RO60: variants seen among roughly 807,000 people sequenced by gnomAD.
The protein encoded by RO60 is RNA-binding protein RO60.
A neutral mutation model predicts 55.3 loss-of-function variants in RO60; 20 were observed. The observed-to-expected ratio is 0.36, with a 90% CI of 0.25 to 0.53. RO60 has a LOEUF of 0.53. RO60 is among the 20% of genes least tolerant of loss of function. The pLI is 0.92. For synonymous variants in RO60, 213 were observed against 213.6 expected, an observed-to-expected ratio of 1.00 and a Z score of 0.02; for missense variants, 558 against 646.6, an observed-to-expected ratio of 0.86 and a Z score of 1.49.
downstream of RO60, chr1:193,091,753 C>CATCTAT: frequency 7.6e-7 from 1 of 1,316,582 alleles, no homozygotes; most frequent in African/African-American, 1.5e-5. Flanking sequence ...GATAGATGTA[C>CATCTAT]CAAATAAACT....
chr1:193,059,799 G>A lies in RO60; in HGVS notation c.-22+23G>A. On this transcript the variant is annotated intron_variant, in intron 1 of 8. Transcript: ENST00000400968. This position sits in a 1 kb window ranked among gnomAD's most constrained non-coding sequence, Gnocchi z 4.9. ...CAGGTGAGGACATTGCGGGAGGCCGGCTGGGAGCCTTTTGTGCGGCCCCAG... is the reference window on the plus strand; with the variant it reads ...CAGGTGAGGACATTGCGGGAGGCCGACTGGGAGCCTTTTGTGCGGCCCCAG... 1 of 1,356,344 alleles carries A rather than the reference G, an allele frequency of 7.4e-7. No individual in the cohort carries two copies. The highest frequency in any genetic ancestry group is 9.8e-7 in the Non-Finnish European group (1 of 1,017,190). 84.0% of individuals were successfully genotyped at this position (1,356,344 alleles called of 1,614,324 possible). A position where few individuals can be genotyped will look rare whatever the true frequency, so the allele number is the denominator to read the frequency against.
chr1:193,080,785 C>A (rs1043811165), intron 5 of RO60, among the ~76,000 whole-genome samples: 2 of 151,990 alleles, frequency 1.3e-5, no homozygotes, highest in Admixed American at 6.6e-5. Flanking sequence ...TTGTATGATT[C>A]CATTATATGA....
chr1:193,090,170 G>A lies in RO60; in HGVS notation c.*5439G>A, dbSNP rs1400419040. 1 of 152,116 alleles carries A rather than the reference G, an allele frequency of 6.6e-6. No individual in the cohort carries two copies. Among genetic ancestry groups the A allele is most frequent in the Non-Finnish European group, 1.5e-5 (1 of 68,020 alleles). 9.4% of individuals were successfully genotyped at this position (152,116 alleles called of 1,614,324 possible). A position where few individuals can be genotyped will look rare whatever the true frequency, so the allele number is the denominator to read the frequency against. ...TATCAGAATATATGCTTGAACAAAG[G>A]AAATAGTAAATTAGCTATATGTCTG... is the stretch of plus-strand genomic sequence containing the variant. On this transcript the variant is annotated 3_prime_UTR_variant, in exon 9 of 9. Transcript: ENST00000400968.
chr1:193,070,163 A>G (rs1042067296), intron 2 of RO60, among the ~76,000 whole-genome samples: 3 of 151,654 alleles, frequency 2.0e-5, no homozygotes, highest in Non-Finnish European at 4.4e-5. Flanking sequence ...AAAAAAAAAA[A>G]GTTGCAATAA....
At position 193,086,295 on chromosome 1, in the gene RO60, T is replaced by G. The variant is rs1394375928; in HGVS notation, c.*1564T>G. 6.5e-6 allele frequency: 1 copy of G among 152,688 alleles called. No homozygotes were observed. The highest frequency in any genetic ancestry group is 2.4e-5 in the African/African-American group (1 of 41,444). The allele number at this position is 152,688 out of a possible 1,614,324, so 9.5% of individuals were successfully genotyped here. ...AGAAAATATTCCTTTCAAATTTATT[T>G]GACATATTAATGCTGGTTTTGATAT... is the stretch of plus-strand genomic sequence containing the variant. On this transcript the variant is annotated 3_prime_UTR_variant, in exon 9 of 9. Transcript: ENST00000400968.
In RO60 at chr1:193,059,903, T is replaced by C; in HGVS notation, c.-22+127T>C. ...TGAGGCTGGGCAAACGCCGCGAAAC[T>C]ATCGCTCTTCCCCGTCCCGCTTCCG... On this transcript the variant is annotated intron_variant, in intron 1 of 8. Transcript: ENST00000400968. The surrounding 1 kb of genome is among the most constrained non-coding windows in gnomAD (Gnocchi z 4.9). 7.3e-7 allele frequency: 1 copy of C among 1,365,830 alleles called. No homozygotes were observed. The highest frequency in any genetic ancestry group is 9.8e-7 in the Non-Finnish European group (1 of 1,021,616). The allele number at this position is 1,365,830 out of a possible 1,614,324, so 84.6% of individuals were successfully genotyped here. A position where few individuals can be genotyped will look rare whatever the true frequency, so the allele number is the denominator to read the frequency against.
intron 5 of RO60, among the ~76,000 whole-genome samples, chr1:193,080,331 G>A (rs1674224094): frequency 6.6e-6 from 1 of 152,098 alleles, no homozygotes; most frequent in African/African-American, 2.4e-5. Flanking sequence ...GTAAAATGGT[G>A]TAGCCCCTGT....
intron 2 of RO60, among the ~76,000 whole-genome samples, chr1:193,074,968 G>A (rs1673803124): frequency 6.6e-6 from 1 of 151,974 alleles, no homozygotes; most frequent in Non-Finnish European, 1.5e-5. Flanking sequence ...GCCACGTTGG[G>A]CACACTGTTC....
In RO60 at chr1:193,084,838, TATGTGCATA is replaced by T; in HGVS notation, c.*111_*119del. The stretch of plus-strand genomic sequence containing the variant: ...CACCCAATGAATGATGATGGTATAG[TATGTGCATA>T]ATGGAAAGTTACCTTACTGAAAAAA... On this transcript the variant is annotated 3_prime_UTR_variant, in exon 9 of 9. Transcript: ENST00000400968. The T allele has an allele frequency of 6.6e-7, 1 of 1,523,812 alleles. No homozygotes were observed. The highest frequency in any genetic ancestry group is 8.7e-7 in the Non-Finnish European group (1 of 1,144,084). The allele number at this position is 1,523,812 out of a possible 1,614,324, so 94.4% of individuals were successfully genotyped here. A position where few individuals can be genotyped will look rare whatever the true frequency, so the allele number is the denominator to read the frequency against.
At position 193,080,694 on chromosome 1, in the gene RO60, A is replaced by T. The variant is rs547898658; in HGVS notation, c.1087-670A>T. Among the ~76,000 whole-genome samples the T allele has an allele frequency of 9.2e-5, 14 of 152,352 alleles. No individual in the cohort carries two copies. In the South Asian group the frequency reaches 1.7e-3, roughly 18 times the overall value. On this transcript the variant is annotated intron_variant, in intron 5 of 8. Coordinates refer to ENST00000400968, the MANE Select transcript of RO60 (RefSeq NM_001173524.2). ...TATTATTCAGCCTTAGAAAAGAATT[A>T]AATTTGATACATGCTACACCATGGA...
At chr1:193,080,623 T>A (rs1026425157) in intron 5 of RO60, among the ~76,000 whole-genome samples, 5 of 152,234 alleles carry the variant, frequency 3.3e-5, no homozygotes, top group African/African-American at 1.2e-4. Flanking sequence ...ACAACCCAAA[T>A]GTTCATCAGC....
rs1307309398 is a variant in RO60, at chr1:193,076,550, A to G, written c.851A>G (p.Asn284Ser). The change falls in exon 4 of 9, where the codon AAT becomes AGT. Residue 284 changes from asparagine to serine, a missense_variant. Transcript: ENST00000400968. ...QEMPLTALLR[N>S]LGKMTANSVL... ...ATGCCGCTTACTGCATTACTAAGGA[A>G]TCTAGGAAAGATGACTGCTAATTCA... The G allele has an allele frequency of 6.2e-6, 10 of 1,612,718 alleles. No individual in the cohort carries two copies. Among genetic ancestry groups the G allele is most frequent in the Non-Finnish European group, 7.6e-6 (9 of 1,179,438 alleles).
chr1:193,082,761 TGA>T, intron 8 of RO60, 53 bp downstream of exon 8: 3 of 1,421,274 alleles, frequency 2.1e-6, no homozygotes, highest in Admixed American at 2.4e-5. Flanking sequence ...TTTTAATACT[TGA>T]TTTTTTTTTT....
rs776497792 is a variant in RO60 at position 193,059,667 on chromosome 1, T to G, written c.-131T>G. On this transcript the variant is annotated 5_prime_UTR_variant, in exon 1 of 9. Coordinates refer to ENST00000400968, the MANE Select transcript of RO60 (RefSeq NM_001173524.2). The surrounding 1 kb of genome is among the most constrained non-coding windows in gnomAD (Gnocchi z 4.9). ...CCGGCGGCAGTGGGGCTGTTGCTGT[T>G]GCTGTGGCTGTCGCTGCCCGTCAGG... 8.0e-6 allele frequency: 11 copies of G among 1,373,658 alleles called. No individual in the cohort carries two copies. The highest frequency in any genetic ancestry group is 7.8e-6 in the Non-Finnish European group (8 of 1,028,760). 85.1% of individuals were successfully genotyped at this position (1,373,658 alleles called of 1,614,324 possible).
At chr1:193,072,178 A>G (rs1485123452) in intron 2 of RO60, among the ~76,000 whole-genome samples, 3 of 151,962 alleles carry the variant, frequency 2.0e-5, no homozygotes, top group Non-Finnish European at 4.4e-5. Flanking sequence ...TAATTTTTGT[A>G]TTTTTAGTAG....
Position 193,081,351 on chromosome 1 carries a change from G to C in RO60, c.1087-13G>C. The C allele has an allele frequency of 6.9e-7, 1 of 1,451,132 alleles. No individual in the cohort carries two copies. The highest frequency in any genetic ancestry group is 1.4e-5 in the African/African-American group (1 of 71,776). 89.9% of individuals were successfully genotyped at this position (1,451,132 alleles called of 1,614,324 possible). ...CTGTTATGCTTTTAATGATTGTTTT[G>C]TTTTCTCTGTAGACAGTTGAACCAA... On this transcript the variant is annotated splice_polypyrimidine_tract_variant and intron_variant, in intron 5 of 8. Transcript: ENST00000400968.
intron 1 of RO60, among the ~76,000 whole-genome samples, chr1:193,063,410 T>G (rs1460923159): frequency 1.3e-5 from 2 of 152,230 alleles, no homozygotes; most frequent in Non-Finnish European, 2.9e-5. Flanking sequence ...CTTGGGTTAT[T>G]TATCATTTTA....
At chr1:193,062,078 T>G (rs185365353) in intron 1 of RO60, among the ~76,000 whole-genome samples, 12 of 152,202 alleles carry the variant, frequency 7.9e-5, no homozygotes, top group African/African-American at 2.9e-4. Context: ...AATACAACAT[T>G]AGTTGTATGG....
chr1:193,078,349 A>G (rs930991943), intron 5 of RO60, among the ~76,000 whole-genome samples: 1 of 152,374 alleles, frequency 6.6e-6, no homozygotes, highest in Non-Finnish European at 1.5e-5. Flanking sequence ...CCTAAAATCA[A>G]GAAAAAGACA....
Sources: allele counts gnomAD v4.1 joint callset (sites outside exome capture counted in the v4.1 genomes callset), GRCh38; gene constraint gnomAD v4.1.1; non-coding constraint Gnocchi (gnomAD v3.1); transcripts MANE v1.5; gene names NCBI Gene and HGNC (gene_info 2026-07-23, HGNC 2026-07-21).